The following TAOK1 variants were observed in gnomAD, a reference collection of about 807,000 sequenced individuals.
TAOK1 encodes serine/threonine-protein kinase TAO1.
A neutral mutation model predicts 138.3 loss-of-function variants in TAOK1; 21 were observed. That is an observed-to-expected ratio of 0.15 (90% CI 0.11 to 0.22). The LOEUF is 0.22. Among genes scored for constraint, TAOK1 ranks in the 10% least tolerant of loss-of-function variants. The probability of loss-of-function intolerance (pLI) is 1.00; values close to 1 mark genes in which losing one functional copy is unlikely to be tolerated. For missense variants in TAOK1, 651 were observed against 1,227.7 expected (o/e 0.53, Z 7.02); for synonymous variants, 361 against 398.4 (o/e 0.91, Z 1.12).
Position 29,451,431 on chromosome 17 carries a change from CTTTTT to C in TAOK1, c.-94-19_-94-15del. The C allele has an allele frequency of 8.5e-6, 11 of 1,296,018 alleles. No individual in the cohort carries two copies. Among genetic ancestry groups the C allele is most frequent in the Non-Finnish European group, 1.1e-5 (11 of 981,696 alleles). The allele number at this position is 1,296,018 out of a possible 1,614,324, so 80.3% of individuals were successfully genotyped here. A position where few individuals can be genotyped will look rare whatever the true frequency, so the allele number is the denominator to read the frequency against. ...TCTTAGCAGTTTTTGCCTTTTCTGA[CTTTTT>C]TTTTCTATTTTTCTACAGTAGTTTA... On this transcript the variant is annotated intron_variant, in intron 1 of 19. Coordinates refer to ENST00000261716, the MANE Select transcript of TAOK1 (RefSeq NM_020791.4).
At chr17:29,480,558 G>A in intron 7 of TAOK1, 77 bp downstream of exon 7, 1 of 1,257,702 alleles carries the variant, frequency 8.0e-7, no homozygotes. Flanking sequence ...TGAAGTGTAA[G>A]GTAAAGTACT....
Position 29,549,090 on chromosome 17 carries a change from T to A in TAOK1, c.*6068T>A, listed in dbSNP as rs2032448515. 1 of 152,188 alleles carries A rather than the reference T, an allele frequency of 6.6e-6. No individual in the cohort carries two copies. The highest frequency in any genetic ancestry group is 2.1e-4 in the South Asian group (1 of 4,832). 9.4% of individuals were successfully genotyped at this position (152,188 alleles called of 1,614,324 possible). On this transcript the variant is annotated 3_prime_UTR_variant, in exon 20 of 20. Transcript: ENST00000261716. ...TAAATTATGCAGGTGATAACATGGTTTGGAACTGTTTATTGGGCTCTTTAA... is the reference window on the plus strand; with the variant it reads ...TAAATTATGCAGGTGATAACATGGTATGGAACTGTTTATTGGGCTCTTTAA...
intron 2 of TAOK1, among the ~76,000 whole-genome samples, chr17:29,458,839 C>T (rs951680565): frequency 4.6e-5 from 7 of 152,120 alleles, no homozygotes; most frequent in South Asian, 4.2e-4. Context: ...GGATTATAGG[C>T]GTGCGCCACC....
chr17:29,409,833 G>A (rs1905097035), intron 1 of TAOK1, among the ~76,000 whole-genome samples: 1 of 152,084 alleles, frequency 6.6e-6, no homozygotes, highest in African/African-American at 2.4e-5. Context: ...GAGGGTGTAT[G>A]TGTGTGTGTA....
At chr17:29,511,055 C>CA (rs200553386) in intron 15 of TAOK1, 63 bp downstream of exon 15, 15,163 of 1,453,720 alleles carry the variant, frequency 0.01, 100 homozygotes, top group Middle Eastern at 0.015. Context: ...CAATGGTGAC[C>CA]AACTCATAGA....
chr17:29,407,381 T>C (rs2153020622), intron 1 of TAOK1, among the ~76,000 whole-genome samples: 1 of 152,304 alleles, frequency 6.6e-6, no homozygotes, highest in South Asian at 2.1e-4. Flanking sequence ...TCTGTCTCCC[T>C]CTCTTCCTGC....
At chr17:29,423,402 A>C (rs889385366) in intron 1 of TAOK1, among the ~76,000 whole-genome samples, 1 of 151,462 alleles carries the variant, frequency 6.6e-6, no homozygotes, top group Non-Finnish European at 1.5e-5. Flanking sequence ...ATTTTTTAGT[A>C]GAGACGGGGT....
intron 18 of TAOK1, among the ~76,000 whole-genome samples, chr17:29,531,178 A>G (rs2032100052): frequency 6.6e-6 from 1 of 150,738 alleles, no homozygotes; most frequent in Non-Finnish European, 1.5e-5. Context: ...CGTGTTAGCC[A>G]GGATGGTCTC....
chr17:29,420,202 G>A (rs1477136573), intron 1 of TAOK1, among the ~76,000 whole-genome samples: 1 of 151,880 alleles, frequency 6.6e-6, no homozygotes, highest in Non-Finnish European at 1.5e-5. Flanking sequence ...ATGCCACGAC[G>A]CCTGGCTTAA....
rs540935249 is a variant in TAOK1 at position 29,434,206 on chromosome 17, A to G, written c.-94-17249A>G. ...TTTGGGTTCCCTTCCTCTGAGCCCA[A>G]TCCTAAGCCAACCAGTTTAAAGTTT... On this transcript the variant is annotated intron_variant, in intron 1 of 19. Transcript: ENST00000261716. Among the ~76,000 whole-genome samples the G allele has an allele frequency of 4.6e-5, 7 of 152,262 alleles. No individual in the cohort carries two copies. In the South Asian group the frequency reaches 1.0e-3, roughly 23 times the overall value.
chr17:29,408,769 G>A (rs2153020718), intron 1 of TAOK1, among the ~76,000 whole-genome samples: 1 of 151,784 alleles, frequency 6.6e-6, no homozygotes, highest in East Asian at 1.9e-4. Flanking sequence ...CTGGAATGCA[G>A]TGGCACAGTC....
At chr17:29,488,608 A>G (rs1361262122) in intron 8 of TAOK1, among the ~76,000 whole-genome samples, 1 of 149,238 alleles carries the variant, frequency 6.7e-6, no homozygotes. Flanking sequence ...AATAATAATA[A>G]TTGTTAATTT....
intron 15 of TAOK1, among the ~76,000 whole-genome samples, chr17:29,517,251 G>A (rs1567741692): frequency 1.3e-5 from 2 of 151,996 alleles, no homozygotes. Context: ...GCCTCCAAAA[G>A]TACTGGAATT....
intron 7 of TAOK1, among the ~76,000 whole-genome samples, chr17:29,481,121 C>CTTA: frequency 6.6e-6 from 1 of 151,632 alleles, no homozygotes; most frequent in East Asian, 1.9e-4. Context: ...ATGACATGAG[C>CTTA]TTATAACTTC....
chr17:29,437,783 T>C (rs1906081397), intron 1 of TAOK1, among the ~76,000 whole-genome samples: 1 of 144,410 alleles, frequency 6.9e-6, no homozygotes, highest in South Asian at 2.3e-4. Context: ...ACCCGGGCTG[T>C]AGTGCAGTGG....
chr17:29,431,270 G>C (rs1339595784), intron 1 of TAOK1, among the ~76,000 whole-genome samples: 1 of 152,068 alleles, frequency 6.6e-6, no homozygotes. Flanking sequence ...ACAAGACTTT[G>C]TCTCTACTAA....
intron 1 of TAOK1, among the ~76,000 whole-genome samples, 193 bp downstream of exon 1, chr17:29,391,217 T>G (rs942671466): frequency 6.6e-6 from 1 of 152,018 alleles, no homozygotes; most frequent in Non-Finnish European, 1.5e-5. Context: ...GCGAGAGCAA[T>G]TCCATTCCTT....
At chr17:29,528,886 T>TA (rs1317071194) in intron 17 of TAOK1, among the ~76,000 whole-genome samples, 1 of 145,664 alleles carries the variant, frequency 6.9e-6, no homozygotes, top group East Asian at 2.0e-4. Context: ...AAAGTGTTTC[T>TA]AAAACGAACA....
At chr17:29,471,637 A>G (rs984544346) in intron 3 of TAOK1, among the ~76,000 whole-genome samples, 3 of 152,106 alleles carry the variant, frequency 2.0e-5, no homozygotes, top group Admixed American at 1.3e-4. Flanking sequence ...ATGTCATACT[A>G]TTTTTGCTGG....
Sources: allele counts gnomAD v4.1 joint callset (sites outside exome capture counted in the v4.1 genomes callset), GRCh38; gene constraint gnomAD v4.1.1; transcripts MANE v1.5; gene names NCBI Gene and HGNC (gene_info 2026-07-23, HGNC 2026-07-21).